PRSS48: variants seen among roughly 807,000 people sequenced by gnomAD.
PRSS48 encodes epidermis-specific serine protease-like protein.
In PRSS48, 21 loss-of-function variants were observed where a neutral mutation model predicts 25.6. That is an observed-to-expected ratio of 0.82 (90% CI 0.58 to 1.18). PRSS48 has a LOEUF of 1.18. Ranked by LOEUF, PRSS48 falls within the 50% of genes most tolerant of loss-of-function variation. PRSS48 has a pLI of 0.00. For missense variants in PRSS48, 373 were observed against 399.3 expected (o/e 0.93, Z 0.56); for synonymous variants, 150 against 149.3 (o/e 1.00, Z -0.04).
intron 4 of PRSS48, among the ~76,000 whole-genome samples, chr4:151,285,467 AAT>A (rs1774655011): frequency 6.6e-6 from 1 of 152,236 alleles, no homozygotes; most frequent in African/African-American, 2.4e-5. Flanking sequence ...GAAATTCACA[AAT>A]ATGTGGAAAG....
At chr4:151,289,906 C>G (rs931111912) in intron 4 of PRSS48, among the ~76,000 whole-genome samples, 1 of 152,088 alleles carries the variant, frequency 6.6e-6, no homozygotes, top group African/African-American at 2.4e-5. Context: ...ACAGGGAGAC[C>G]CCATCTCTAA....
intron 4 of PRSS48, 35 bp downstream of exon 4, chr4:151,283,321 A>T (rs748025033): frequency 6.3e-7 from 1 of 1,599,056 alleles, no homozygotes; most frequent in Non-Finnish European, 8.6e-7. Flanking sequence ...TTTTTTAAAC[A>T]TGAGATCTTA....
intron 4 of PRSS48, among the ~76,000 whole-genome samples, chr4:151,289,934 C>T (rs1441583763): frequency 1.3e-5 from 2 of 152,010 alleles, no homozygotes; most frequent in African/African-American, 2.4e-5. Context: ...AAGAAAAAAC[C>T]GGTACACAAG....
chr4:151,283,537 A>C (rs1225505789), intron 4 of PRSS48, among the ~76,000 whole-genome samples: 1 of 145,824 alleles, frequency 6.9e-6, no homozygotes, highest in East Asian at 2.0e-4. Context: ...TTTAAATTAG[A>C]GACAGAGCCT....
intron 3 of PRSS48, 71 bp from the exon 4 acceptor site, chr4:151,283,046 C>T: frequency 7.0e-7 from 1 of 1,435,926 alleles, no homozygotes; most frequent in Middle Eastern, 1.8e-4. Context: ...GACTTCTGCA[C>T]ATCATGACTG....
At chr4:151,278,025 A>G (rs1487731578) in intron 1 of PRSS48, among the ~76,000 whole-genome samples, 1 of 151,902 alleles carries the variant, frequency 6.6e-6, no homozygotes, top group Admixed American at 6.5e-5. Flanking sequence ...TTAGCGACAG[A>G]GTAAGACCCC....
chr4:151,289,451 C>T (rs1224385055), intron 4 of PRSS48, among the ~76,000 whole-genome samples: 8 of 151,910 alleles, frequency 5.3e-5, no homozygotes, highest in East Asian at 3.9e-4. Context: ...GCCTATGAAA[C>T]GGAAGAAAAT....
chr4:151,287,364 G>C (rs1352954771), intron 4 of PRSS48, among the ~76,000 whole-genome samples: 1 of 149,042 alleles, frequency 6.7e-6, no homozygotes, highest in South Asian at 2.1e-4. Context: ...AAAAAAAAGA[G>C]GGAACACTTC....
intron 4 of PRSS48, 116 bp from the exon 5 acceptor site, chr4:151,291,002 G>T (rs976574254): frequency 7.1e-6 from 5 of 706,166 alleles, no homozygotes; most frequent in Non-Finnish European, 1.2e-5. Flanking sequence ...CCCCTGCAGG[G>T]TTCCACAGCT....
chr4:151,280,808 T>A (rs997296075), intron 2 of PRSS48, among the ~76,000 whole-genome samples: 3 of 150,652 alleles, frequency 2.0e-5, no homozygotes, highest in Non-Finnish European at 4.4e-5. Flanking sequence ...AAATTAAGTT[T>A]AAAAAAAAAC....
chr4:151,279,942 G>A, exon 2 of PRSS48: 1 of 1,605,166 alleles, frequency 6.2e-7, no homozygotes, highest in Non-Finnish European at 8.5e-7. Flanking sequence ...ACTGACAGCA[G>A]CACACTGCAT....
intron 4 of PRSS48, among the ~76,000 whole-genome samples, chr4:151,283,986 T>A (rs1774499885): frequency 6.6e-6 from 1 of 152,228 alleles, no homozygotes; most frequent in Admixed American, 6.5e-5. Context: ...TTGCTCTGGC[T>A]GCTTTCAGTA....
intron 1 of PRSS48, among the ~76,000 whole-genome samples, chr4:151,278,535 T>C (rs1022865082): frequency 1.3e-5 from 2 of 152,144 alleles, no homozygotes; most frequent in African/African-American, 4.8e-5. Context: ...GTCTCCAACA[T>C]TCCTTTTTCT....
At chr4:151,290,506 G>GT in intron 4 of PRSS48, among the ~76,000 whole-genome samples, 1 of 152,326 alleles carries the variant, frequency 6.6e-6, no homozygotes, top group East Asian at 1.9e-4. Context: ...GAGGCAGAGA[G>GT]TGGACTACTG....
At chr4:151,280,529 T>C (rs1351652671) in intron 2 of PRSS48, among the ~76,000 whole-genome samples, 2 of 152,240 alleles carry the variant, frequency 1.3e-5, no homozygotes, top group Admixed American at 6.5e-5. Flanking sequence ...TAAATATTTG[T>C]TGTTTTAAGC....
chr4:151,278,855 A>G (rs1295760739), intron 1 of PRSS48, among the ~76,000 whole-genome samples: 8 of 151,804 alleles, frequency 5.3e-5, no homozygotes, highest in Non-Finnish European at 1.5e-5. Context: ...CTGGTTTTGA[A>G]CTCCTGGACT....
chr4:151,289,306 T>C (rs986819898), intron 4 of PRSS48, among the ~76,000 whole-genome samples: 5 of 152,180 alleles, frequency 3.3e-5, no homozygotes, highest in Admixed American at 6.5e-5. Flanking sequence ...GGTAGGTCTT[T>C]GTGACCTTGA....
intron 1 of PRSS48, among the ~76,000 whole-genome samples, 184 bp from the exon 2 acceptor site, chr4:151,279,612 C>G (rs374926327): frequency 3.3e-5 from 5 of 152,316 alleles, no homozygotes; most frequent in African/African-American, 7.2e-5. Context: ...GAGCTACAAT[C>G]AGGGGAGTGG....
chr4:151,286,200 A>AAAACAAC (rs1554067176), intron 4 of PRSS48, among the ~76,000 whole-genome samples: 1 of 144,068 alleles, frequency 6.9e-6, no homozygotes, highest in Non-Finnish European at 1.5e-5. Flanking sequence ...AAAAAAAAAA[A>AAAACAAC]AAAACAACTA....
Sources: gnomAD v4.1 joint callset for allele counts (sites outside exome capture counted in the v4.1 genomes callset) on GRCh38, gnomAD v4.1.1 for gene constraint, MANE v1.5 for transcripts, NCBI Gene and HGNC (gene_info 2026-07-23, HGNC 2026-07-21) for gene names.